The following PPIB variants were observed in gnomAD, a reference collection of about 807,000 sequenced individuals.
PPIB encodes the protein peptidyl-prolyl cis-trans isomerase B.
Under a neutral mutation model 20.1 loss-of-function variants are expected in PPIB, and 15 were observed. The ratio of observed to expected loss-of-function variants is 0.75; its 90% CI spans 0.50 to 1.15. The LOEUF (loss-of-function observed/expected upper bound fraction) is 1.15, where lower values mean the gene tolerates loss of function less well. Among genes scored for constraint, PPIB ranks in the 50% most tolerant of loss-of-function variants. The pLI is 0.00. For synonymous variants in PPIB, 129 were observed against 111.0 expected (o/e 1.16, Z -1.02); for missense variants, 278 against 283.0 (o/e 0.98, Z 0.13).
At chr15:64,162,335 C>G (rs969901121) in intron 1 of PPIB, among the ~76,000 whole-genome samples, 181 bp from the exon 2 acceptor site, 1 of 152,098 alleles carries the variant, frequency 6.6e-6, no homozygotes, top group African/African-American at 2.4e-5. Flanking sequence ...AGCTCCAGAC[C>G]CTTTTCTTGG....
At chr15:64,162,257 A>T in intron 1 of PPIB, 103 bp from the exon 2 acceptor site, 1 of 841,838 alleles carries the variant, frequency 1.2e-6, no homozygotes, top group Non-Finnish European at 2.1e-6. Context: ...GAATAGAGCC[A>T]TATTTTTAGA....
At position 64,159,755 on chromosome 15, in the gene PPIB, G is replaced by T; in HGVS notation, c.343+349C>A. ...GGACAGGCTTTGGGCATCTGACCTA[G>T]AATCGCGTACCCACATGTCTTCACT... On this transcript the variant is annotated intron_variant, in intron 3 of 4. Transcript: ENST00000300026. This position sits in a 1 kb window ranked among gnomAD's most constrained non-coding sequence, Gnocchi z 5.1. 1 of 384,098 alleles carries T rather than the reference G, an allele frequency of 2.6e-6. No individual in the cohort carries two copies. Among genetic ancestry groups the T allele is most frequent in the Non-Finnish European group, 4.9e-6 (1 of 202,146 alleles). 23.8% of individuals were successfully genotyped at this position (384,098 alleles called of 1,614,324 possible). A position where few individuals can be genotyped will look rare whatever the true frequency, so the allele number is the denominator to read the frequency against.
chr15:64,156,236 A>G lies in PPIB; in HGVS notation c.529-91T>C. 1 of 1,514,532 alleles carries G rather than the reference A, an allele frequency of 6.6e-7. No homozygotes were observed. Among genetic ancestry groups the G allele is most frequent in the South Asian group, 1.1e-5 (1 of 87,098 alleles). The allele number at this position is 1,514,532 out of a possible 1,614,324, so 93.8% of individuals were successfully genotyped here. A position where few individuals can be genotyped will look rare whatever the true frequency, so the allele number is the denominator to read the frequency against. ...CCCCAGCGTATGGCTCAGGAGGGCTAAGACCCACAAGTGATCAACAGCACA... is the reference window on the plus strand; with the variant it reads ...CCCCAGCGTATGGCTCAGGAGGGCTGAGACCCACAAGTGATCAACAGCACA... On this transcript the variant is annotated intron_variant, in intron 4 of 4. Coordinates refer to ENST00000300026, the MANE Select transcript of PPIB (RefSeq NM_000942.5). The surrounding 1 kb of genome is among the most constrained non-coding windows in gnomAD (Gnocchi z 6.4).
In PPIB at chr15:64,155,954, A is replaced by G; in HGVS notation, c.*69T>C. On this transcript the variant is annotated 3_prime_UTR_variant, in exon 5 of 5. Coordinates refer to ENST00000300026, the MANE Select transcript of PPIB (RefSeq NM_000942.5). ...CAGATGCCAGCACCGGGGCCAGTGC[A>G]GCTCAGAGCCCTGTGGCGGACTACA... 1 of 1,611,564 alleles carries G rather than the reference A, an allele frequency of 6.2e-7. No individual in the cohort carries two copies. The highest frequency in any genetic ancestry group is 8.5e-7 in the Non-Finnish European group (1 of 1,179,078).
At position 64,162,921 on chromosome 15, in the gene PPIB, G is replaced by A. The variant is rs918766896; in HGVS notation, c.66C>T (p.Val22=). 5.0e-6 allele frequency: 8 copies of A among 1,613,574 alleles called. No individual in the cohort carries two copies. Among genetic ancestry groups the A allele is most frequent in the African/African-American group, 1.3e-5 (1 of 75,066 alleles). The change falls in exon 1 of 5, where the codon GTC becomes GTT. Residue 22 remains valine, a synonymous_variant. Transcript: ENST00000300026. ...LLAAALIAGS[V]FFLLLPGPSA... The stretch of plus-strand genomic sequence containing the variant: ...AAGGTCCCGGCAGCAGCAGGAAGAA[G>A]ACGGACCCCGCGATGAGGGCGGCGG...
In PPIB at chr15:64,160,350, C is replaced by T. The variant is rs1466602494; in HGVS notation, c.250-153G>A. On this transcript the variant is annotated intron_variant, in intron 2 of 4. Transcript: ENST00000300026. The surrounding 1 kb of genome is among the most constrained non-coding windows in gnomAD (Gnocchi z 4.8). ...ACTGTTCAGTGTGCTACTAAGTGAG[C>T]GGGCAGGCGCCACAGGACAGGCATG... 2.0e-5 allele frequency among the ~76,000 whole-genome samples: 3 copies of T among 152,206 alleles called. No homozygotes were observed. The highest frequency in any genetic ancestry group is 2.0e-4 in the Admixed American group (3 of 15,280).
At position 64,155,989 on chromosome 15, in the gene PPIB, C is replaced by T. The variant is rs367916633; in HGVS notation, c.*34G>A. 33 of 1,614,032 alleles carry T rather than the reference C, an allele frequency of 2.0e-5. No individual in the cohort carries two copies. The highest frequency in any genetic ancestry group is 2.8e-5 in the Non-Finnish European group (33 of 1,179,966). On this transcript the variant is annotated 3_prime_UTR_variant, in exon 5 of 5. Transcript: ENST00000300026. ...CCTGTGGCGGACTACAGGGCCTGCACAGACGGTCACTCAAAGAAAGATGTC... is the reference window on the plus strand; with the variant it reads ...CCTGTGGCGGACTACAGGGCCTGCATAGACGGTCACTCAAAGAAAGATGTC...
chr15:64,156,298 G>T lies in PPIB; in HGVS notation c.529-153C>A. 1.0e-6 allele frequency: 1 copy of T among 990,854 alleles called. No individual in the cohort carries two copies. The highest frequency in any genetic ancestry group is 1.5e-6 in the Non-Finnish European group (1 of 647,044). 61.4% of individuals were successfully genotyped at this position (990,854 alleles called of 1,614,324 possible). ...GCACCAAAATTCTAACAGACTCCTG[G>T]CCAGAGCAGGGAGAATGCAGATTTG... On this transcript the variant is annotated intron_variant, in intron 4 of 4. Transcript: ENST00000300026. The surrounding 1 kb of genome is among the most constrained non-coding windows in gnomAD (Gnocchi z 6.4).
Position 64,157,243 on chromosome 15 carries a change from G to A in PPIB, c.344-334C>T. On this transcript the variant is annotated intron_variant, in intron 3 of 4. Coordinates refer to ENST00000300026, the MANE Select transcript of PPIB (RefSeq NM_000942.5). The surrounding 1 kb of genome is among the most constrained non-coding windows in gnomAD (Gnocchi z 4.2). Reference sequence around the variant, plus strand: ...CTGCCACGGAGGGACTTTGGTGGAGGGAAGTGCCGTGCAGGATGCAGGGGA... The same window carrying A: ...CTGCCACGGAGGGACTTTGGTGGAGAGAAGTGCCGTGCAGGATGCAGGGGA... 2.7e-6 allele frequency: 1 copy of A among 375,396 alleles called. No individual in the cohort carries two copies. The highest frequency in any genetic ancestry group is 2.8e-5 in the South Asian group (1 of 36,130). The allele number at this position is 375,396 out of a possible 1,614,324, so 23.3% of individuals were successfully genotyped here. A position where few individuals can be genotyped will look rare whatever the true frequency, so the allele number is the denominator to read the frequency against.
chr15:64,162,950 G>A lies in PPIB; in HGVS notation c.37C>T (p.Leu13Phe), dbSNP rs1417891191. ...GACCCCGCGATGAGGGCGGCGGCAA[G>A]GAGCACCTTCATGTTGCGTTCGGAG... is the stretch of plus-strand genomic sequence containing the variant. ...RLSERNMKVL[L>F]AAALIAGSVF... The change falls in exon 1 of 5, where the codon CTT becomes TTT. Residue 13 changes from leucine to phenylalanine, a missense_variant. Leu to Phe is a conservative substitution (Grantham distance 22, BLOSUM62 0). Coordinates refer to ENST00000300026, the MANE Select transcript of PPIB (RefSeq NM_000942.5). The A allele has an allele frequency of 1.2e-6, 2 of 1,613,596 alleles. No individual in the cohort carries two copies. The highest frequency in any genetic ancestry group is 1.3e-5 in the African/African-American group (1 of 75,028).
In PPIB at chr15:64,158,171, C is replaced by G. The variant is rs2081546011; in HGVS notation, c.344-1262G>C. ...CCAGACCTCAGTTATTCTTTTGACC[C>G]CTTTTCCTCTGCACGTGGCTCAGGT... On this transcript the variant is annotated intron_variant, in intron 3 of 4. Coordinates refer to ENST00000300026, the MANE Select transcript of PPIB (RefSeq NM_000942.5). The surrounding 1 kb of genome is among the most constrained non-coding windows in gnomAD (Gnocchi z 4.7). Among the ~76,000 whole-genome samples the G allele has an allele frequency of 6.6e-6, 1 of 152,184 alleles. No homozygotes were observed. Among genetic ancestry groups the G allele is most frequent in the Admixed American group, 6.5e-5 (1 of 15,268 alleles).
chr15:64,156,758 C>G lies in PPIB; in HGVS notation c.495G>C (p.Lys165Asn). Reference protein sequence around the residue: ...TTVKTAWLDGKHVVFGKVLEG... With the variant: ...TTVKTAWLDGNHVVFGKVLEG... ...CTAGAACTTTGCCAAACACCACATG[C>G]TTGCCATCTAGCCAGGCTGTCTTGA... is the stretch of plus-strand genomic sequence containing the variant. Residue 165 changes from lysine (K) to asparagine (N), a missense_variant, in exon 4 of 5, where the codon AAG becomes AAC. Transcript: ENST00000300026. The surrounding 1 kb of genome is among the most constrained non-coding windows in gnomAD (Gnocchi z 6.4). The G allele has an allele frequency of 6.2e-7, 1 of 1,614,228 alleles. No individual in the cohort carries two copies. The highest frequency in any genetic ancestry group is 8.5e-7 in the Non-Finnish European group (1 of 1,180,044).
chr15:64,162,680 G>A (rs374723458), intron 1 of PPIB, among the ~76,000 whole-genome samples, 172 bp downstream of exon 1: 5 of 152,324 alleles, frequency 3.3e-5, no homozygotes, highest in Admixed American at 6.5e-5. Context: ...TCAGGGCAGG[G>A]GCTGGGGGTG....
Position 64,157,316 on chromosome 15 carries a change from C to G in PPIB, c.344-407G>C, listed in dbSNP as rs8032139. On this transcript the variant is annotated intron_variant, in intron 3 of 4. Transcript: ENST00000300026. This position sits in a 1 kb window ranked among gnomAD's most constrained non-coding sequence, Gnocchi z 4.2. ...AGAAAAGGAGGACTGCTGTGGCTGACCAGCCTGTTTTCCTATGAGCACAAA... is the reference window on the plus strand; with the variant it reads ...AGAAAAGGAGGACTGCTGTGGCTGAGCAGCCTGTTTTCCTATGAGCACAAA... 1 of 221,546 alleles carries G rather than the reference C, an allele frequency of 4.5e-6. No homozygotes were observed. Among genetic ancestry groups the G allele is most frequent in the South Asian group, 7.8e-5 (1 of 12,862 alleles). 13.7% of individuals were successfully genotyped at this position (221,546 alleles called of 1,614,324 possible).
chr15:64,156,729 C>A lies in PPIB; in HGVS notation c.524G>T (p.Gly175Val). The A allele has an allele frequency of 6.2e-7, 1 of 1,614,182 alleles. No individual in the cohort carries two copies. Among genetic ancestry groups the A allele is most frequent in the South Asian group, 1.1e-5 (1 of 91,076 alleles). The change falls in exon 4 of 5, where the codon GGC becomes GTC. Residue 175 changes from glycine (G) to valine (V), a missense_variant. Coordinates refer to ENST00000300026, the MANE Select transcript of PPIB (RefSeq NM_000942.5). This position sits in a 1 kb window ranked among gnomAD's most constrained non-coding sequence, Gnocchi z 6.4. Reference sequence around the variant, plus strand: ...GCCCTTGCTTCCACAACTCACCATGCCCTCTAGAACTTTGCCAAACACCAC... The same window carrying A: ...GCCCTTGCTTCCACAACTCACCATGACCTCTAGAACTTTGCCAAACACCAC... The part of the protein sequence containing the change: ...KHVVFGKVLE[G>V]MEVVRKVEST...
rs997639370 is a variant in PPIB, at chr15:64,161,254, G to A, written c.249+787C>T. ...TGGGACTACAGGCATGAGTTACTGC[G>A]CCCGGCCTTTTATTTTTAATTAATT... is the stretch of plus-strand genomic sequence containing the variant. On this transcript the variant is annotated intron_variant, in intron 2 of 4. Coordinates refer to ENST00000300026, the MANE Select transcript of PPIB (RefSeq NM_000942.5). This position sits in a 1 kb window ranked among gnomAD's most constrained non-coding sequence, Gnocchi z 4.2. 2.0e-5 allele frequency among the ~76,000 whole-genome samples: 3 copies of A among 151,794 alleles called. No individual in the cohort carries two copies. Among genetic ancestry groups the A allele is most frequent in the Non-Finnish European group, 4.4e-5 (3 of 67,958 alleles).
chr15:64,157,864 G>A lies in PPIB; in HGVS notation c.344-955C>T, dbSNP rs1237233238. On this transcript the variant is annotated intron_variant, in intron 3 of 4. Coordinates refer to ENST00000300026, the MANE Select transcript of PPIB (RefSeq NM_000942.5). The surrounding 1 kb of genome is among the most constrained non-coding windows in gnomAD (Gnocchi z 4.2). Reference sequence around the variant, plus strand: ...GGTAGGATGACTGAAAACCAAGAATGACCAGACTCTGGCTGGTGGGGACAG... The same window carrying A: ...GGTAGGATGACTGAAAACCAAGAATAACCAGACTCTGGCTGGTGGGGACAG... Among the ~76,000 whole-genome samples, 3 of 152,186 alleles carry A rather than the reference G, an allele frequency of 2.0e-5. No homozygotes were observed. Among genetic ancestry groups the A allele is most frequent in the Non-Finnish European group, 4.4e-5 (3 of 68,034 alleles).
In PPIB at chr15:64,162,114, C is replaced by G; in HGVS notation, c.176G>C (p.Arg59Pro). ...CTTTCCGAAGAGACCAAAGATCACC[C>G]GGCCTACATCTTCATCTCCAATTCG... Reference protein sequence around the residue: ...DLRIGDEDVGRVIFGLFGKTV... With the variant: ...DLRIGDEDVGPVIFGLFGKTV... The change falls in exon 2 of 5, where the codon CGG becomes CCG. Residue 59 changes from arginine to proline, a missense_variant. Physicochemically the swap from Arg to Pro is moderately radical, Grantham distance 103. Transcript: ENST00000300026. 6.2e-7 allele frequency: 1 copy of G among 1,614,114 alleles called. No homozygotes were observed. Among genetic ancestry groups the G allele is most frequent in the Non-Finnish European group, 8.5e-7 (1 of 1,179,974 alleles).
rs1184590379 is a variant in PPIB, at chr15:64,156,212, C to G, written c.529-67G>C. ...GAGGTCCACCGCTCAGGAGAAAGGC[C>G]CCAGCGTATGGCTCAGGAGGGCTAA... is the stretch of plus-strand genomic sequence containing the variant. On this transcript the variant is annotated intron_variant, in intron 4 of 4. Coordinates refer to ENST00000300026, the MANE Select transcript of PPIB (RefSeq NM_000942.5). This position sits in a 1 kb window ranked among gnomAD's most constrained non-coding sequence, Gnocchi z 6.4. The G allele has an allele frequency of 6.3e-7, 1 of 1,597,626 alleles. No homozygotes were observed. Among genetic ancestry groups the G allele is most frequent in the African/African-American group, 1.3e-5 (1 of 74,554 alleles).
Sources: allele counts gnomAD v4.1 joint callset (sites outside exome capture counted in the v4.1 genomes callset), GRCh38; gene constraint gnomAD v4.1.1; non-coding constraint Gnocchi (gnomAD v3.1); transcripts MANE v1.5; gene names NCBI Gene and HGNC (gene_info 2026-07-23, HGNC 2026-07-21).